KDM4C: variants seen among roughly 807,000 people sequenced by gnomAD.
KDM4C encodes lysine demethylase 4C.
Under a neutral mutation model 129.3 loss-of-function variants are expected in KDM4C, and 81 were observed. The ratio of observed to expected loss-of-function variants is 0.63; its 90% CI spans 0.52 to 0.75. KDM4C has a LOEUF of 0.75. Ranked by LOEUF, KDM4C falls within the 30% of genes least tolerant of loss-of-function variation. The pLI is 0.00. For missense variants in KDM4C, 1,457 were observed against 1,304.0 expected (o/e 1.12, Z -1.81); for synonymous variants, 573 against 456.1 (o/e 1.26, Z -3.26).
intron 1 of KDM4C, among the ~76,000 whole-genome samples, chr9:6,772,285 G>A (rs187483968): frequency 0.01 from 1,549 of 152,034 alleles, 32 homozygotes; most frequent in African/African-American, 0.036. Context: ...GAGTAGCTGG[G>A]ATTATAGGTG....
chr9:6,806,021 G>T (rs1479807502), intron 3 of KDM4C, among the ~76,000 whole-genome samples: 1 of 152,030 alleles, frequency 6.6e-6, no homozygotes, highest in Non-Finnish European at 1.5e-5. Context: ...TCCTATAGTT[G>T]CCATGAGTTT....
At chr9:7,109,366 C>T (rs113556659) in intron 18 of KDM4C, among the ~76,000 whole-genome samples, 1,570 of 152,282 alleles carry the variant, frequency 0.01, 27 homozygotes, top group African/African-American at 0.033. Context: ...TAGTTCTGTT[C>T]CCAGATGGGG....
At chr9:6,911,850 C>T (rs1819377562) in intron 8 of KDM4C, among the ~76,000 whole-genome samples, 1 of 152,240 alleles carries the variant, frequency 6.6e-6, no homozygotes, top group East Asian at 1.9e-4. Flanking sequence ...GTGGCAGGGA[C>T]TGGGCACTGT....
At chr9:6,961,321 T>G (rs1830012812) in intron 8 of KDM4C, among the ~76,000 whole-genome samples, 1 of 152,056 alleles carries the variant, frequency 6.6e-6, no homozygotes, top group South Asian at 2.1e-4. Flanking sequence ...GCACTAAACG[T>G]GGGGTGGTGA....
At chr9:6,899,542 G>GTGTGTGTGT (rs1554633823) in intron 8 of KDM4C, among the ~76,000 whole-genome samples, 6,787 of 150,120 alleles carry the variant, frequency 0.045, 204 homozygotes, top group African/African-American at 0.051. Flanking sequence ...TTTCCATGGG[G>GTGTGTGTGT]GTGTGTGTGT....
At chr9:7,165,165 C>A in intron 19 of KDM4C, 73 bp from the exon 20 acceptor site, 2 of 1,552,750 alleles carry the variant, frequency 1.3e-6, no homozygotes, top group Non-Finnish European at 1.7e-6. Flanking sequence ...GCCAGGAGTT[C>A]ATCATTTGCT....
chr9:6,993,026 G>T (rs1819033533), intron 12 of KDM4C, among the ~76,000 whole-genome samples: 1 of 152,088 alleles, frequency 6.6e-6, no homozygotes, highest in Admixed American at 6.6e-5. Context: ...GTGGCTCTTT[G>T]ATACCCAAAT....
intron 1 of KDM4C, among the ~76,000 whole-genome samples, chr9:6,779,168 A>G (rs532315803): frequency 2.2e-4 from 34 of 151,754 alleles, no homozygotes; most frequent in African/African-American, 8.0e-4. Flanking sequence ...AGCTGGGACT[A>G]CAGGTGCCCG....
intron 18 of KDM4C, chr9:7,105,406 C>T (rs190155026): frequency 2.1e-6 from 1 of 470,050 alleles, no homozygotes; most frequent in Non-Finnish European, 4.4e-6. Context: ...TTTCAGTTCA[C>T]AGCACAGAGT....
chr9:6,748,509 GAAAA>G (rs371679611), intron 1 of KDM4C, among the ~76,000 whole-genome samples: 1 of 117,834 alleles, frequency 8.5e-6, no homozygotes, highest in Non-Finnish European at 1.8e-5. Flanking sequence ...CTCCGTCTCA[GAAAA>G]AAAAAAAAAA....
intron 19 of KDM4C, among the ~76,000 whole-genome samples, chr9:7,144,324 C>G (rs184696869): frequency 6.6e-6 from 1 of 152,146 alleles, no homozygotes; most frequent in Admixed American, 6.5e-5. Flanking sequence ...AAATCATATT[C>G]TTACAGGTTC....
rs767668455 is a variant in KDM4C at position 7,052,909 on chromosome 9, G to GAGAGCGAGCGAGCGAGAGA, written c.2424+3709_2424+3710insAGAGCGAGCGAGCGAGAGA. The stretch of plus-strand genomic sequence containing the variant: ...AGAGAGAGAGAGAGAGAGCGAGCGA[G>GAGAGCGAGCGAGCGAGAGA]TGCCCAAGGGATGACAATAGAGCAT... On this transcript the variant is annotated intron_variant, in intron 17 of 21. Transcript: ENST00000381309. Among the ~76,000 whole-genome samples, 147 of 100,186 alleles carry GAGAGCGAGCGAGCGAGAGA rather than the reference G, an allele frequency of 1.5e-3. 8 individuals are homozygous for GAGAGCGAGCGAGCGAGAGA. The highest frequency in any genetic ancestry group is 8.3e-3 in the Middle Eastern group (2 of 240). 65.7% of individuals were successfully genotyped at this position (100,186 alleles called of 152,430 possible).
chr9:7,008,787 A>G (rs913291258), intron 12 of KDM4C, among the ~76,000 whole-genome samples: 1 of 152,214 alleles, frequency 6.6e-6, no homozygotes, highest in East Asian at 1.9e-4. Flanking sequence ...AGGCCAGCTC[A>G]CATACTGACG....
At chr9:6,863,452 A>G (rs996816236) in intron 5 of KDM4C, among the ~76,000 whole-genome samples, 1 of 152,078 alleles carries the variant, frequency 6.6e-6, no homozygotes, top group African/African-American at 2.4e-5. Context: ...TGTTGCTTCC[A>G]TTCATGGTGG....
intron 8 of KDM4C, among the ~76,000 whole-genome samples, chr9:6,946,852 T>C (rs906321858): frequency 9.9e-5 from 15 of 152,092 alleles, no homozygotes; most frequent in Non-Finnish European, 1.9e-4. Context: ...ATTTTTTGTT[T>C]CCTTTTTTCT....
chr9:7,076,349 C>A, intron 17 of KDM4C: 1 of 917,720 alleles, frequency 1.1e-6, no homozygotes, highest in African/African-American at 1.6e-5. Flanking sequence ...ATTAGTTTGT[C>A]TCATGCTAAA....
chr9:6,793,489 T>C (rs1404452432), intron 2 of KDM4C, among the ~76,000 whole-genome samples: 1 of 151,894 alleles, frequency 6.6e-6, no homozygotes, highest in African/African-American at 2.4e-5. Context: ...TTAACCACAA[T>C]TTCTCTCTCC....
chr9:6,742,424 A>G (rs914748681), intron 1 of KDM4C, among the ~76,000 whole-genome samples: 22 of 151,990 alleles, frequency 1.4e-4, no homozygotes, highest in African/African-American at 5.3e-4. Flanking sequence ...TTTTATTATC[A>G]AGCAGCCCCC....
chr9:6,944,652 G>GTTTTTTTTTTTTTTTT lies in KDM4C; in HGVS notation c.922-36266_922-36251dup, dbSNP rs1158199897. 6.2e-3 allele frequency among the ~76,000 whole-genome samples: 504 copies of GTTTTTTTTTTTTTTTT among 80,986 alleles called. 80 individuals carry two copies. The highest frequency in any genetic ancestry group is 8.6e-3 in the East Asian group (19 of 2,214). 53.1% of individuals were successfully genotyped at this position (80,986 alleles called of 152,430 possible). A position where few individuals can be genotyped will look rare whatever the true frequency, so the allele number is the denominator to read the frequency against. On this transcript the variant is annotated intron_variant, in intron 8 of 21. Transcript: ENST00000381309. Reference sequence around the variant, plus strand: ...CAACACACTTTTTGTCAAGGTAGAGGTTTTTTTTTTTTTTTTTTTTTTGCC... The same window carrying GTTTTTTTTTTTTTTTT: ...CAACACACTTTTTGTCAAGGTAGAGGTTTTTTTTTTTTTTTTTTTTTTTTTTTTTTTTTTTTTTGCC...
Sources: allele counts gnomAD v4.1 joint callset (sites outside exome capture counted in the v4.1 genomes callset), GRCh38; gene constraint gnomAD v4.1.1; transcripts MANE v1.5; gene names NCBI Gene and HGNC (gene_info 2026-07-23, HGNC 2026-07-21).